Variants in LARGE1 observed in about 807,000 individuals in gnomAD.
LARGE1 encodes the protein LARGE xylosyl- and glucuronyltransferase 1, also known as xylosyl- and glucuronyltransferase LARGE1.
Under a neutral mutation model 87.6 loss-of-function variants are expected in LARGE1, and 43 were observed. The ratio of observed to expected loss-of-function variants is 0.49; its 90% CI spans 0.38 to 0.63. The LOEUF is 0.63. LARGE1 is among the 30% of genes least tolerant of loss of function. LARGE1 has a pLI of 0.00. For missense variants in LARGE1, 802 were observed against 1,000.2 expected, an observed-to-expected ratio of 0.80 and a Z score of 2.67; for synonymous variants, 434 against 394.6, an observed-to-expected ratio of 1.10 and a Z score of -1.18.
chr22:33,474,415 G>A (rs2068985064), intron 6 of LARGE1, among the ~76,000 whole-genome samples: 1 of 152,126 alleles, frequency 6.6e-6, no homozygotes, highest in Non-Finnish European at 1.5e-5. Context: ...CACCTGCCTC[G>A]GCCTCCCAAA....
intron 11 of LARGE1, among the ~76,000 whole-genome samples, chr22:33,240,090 G>C (rs1009274128): frequency 6.6e-6 from 1 of 152,138 alleles, no homozygotes; most frequent in Admixed American, 6.5e-5. Flanking sequence ...ATTCATAATG[G>C]TTGTATAAAT....
At chr22:33,891,137 T>C (rs1166164461) in intron 1 of LARGE1, among the ~76,000 whole-genome samples, 3 of 152,140 alleles carry the variant, frequency 2.0e-5, no homozygotes, top group Non-Finnish European at 4.4e-5. Context: ...TTCAGACCCC[T>C]CATTTGAGAG....
the LARGE1 span, among the ~76,000 whole-genome samples, chr22:33,103,432 CAAAAAAAAAAAAAA>C: frequency 2.4e-4 from 8 of 33,802 alleles, no homozygotes; most frequent in Non-Finnish European, 2.2e-4. Flanking sequence ...GACTCTGTCT[CAAAAAAAAAAAAAA>C]AAAAAAAAAA....
intron 4 of LARGE1, among the ~76,000 whole-genome samples, chr22:33,625,041 T>G (rs893172255): frequency 1.3e-5 from 2 of 152,192 alleles, no homozygotes; most frequent in Non-Finnish European, 2.9e-5. Flanking sequence ...CCATCTTTGT[T>G]TATGCCATTG....
intron 7 of LARGE1, among the ~76,000 whole-genome samples, chr22:33,394,081 C>CAAAA (rs66531142): frequency 1.4e-3 from 157 of 109,968 alleles, no homozygotes; most frequent in African/African-American, 4.0e-3. Context: ...GTGCAACTGC[C>CAAAA]AAAAAAAAAA....
At chr22:33,208,232 G>A (rs1924781491) in intron 11 of LARGE1, among the ~76,000 whole-genome samples, 1 of 152,172 alleles carries the variant, frequency 6.6e-6, no homozygotes, top group South Asian at 2.1e-4. Flanking sequence ...GGAAGGCCAA[G>A]GAAATGAGAT....
intron 9 of LARGE1, among the ~76,000 whole-genome samples, chr22:33,344,675 C>T (rs186539956): frequency 3.3e-5 from 5 of 152,260 alleles, no homozygotes; most frequent in East Asian, 3.9e-4. Context: ...GCTTGTCTGA[C>T]TACTAAGAAA....
rs144162794 is a variant in LARGE1 at position 33,436,127 on chromosome 22, G to A, written c.788-3862C>T. 2.0e-4 allele frequency among the ~76,000 whole-genome samples: 31 copies of A among 152,248 alleles called. No homozygotes were observed. The East Asian group carries it at 4.1e-3, about 20-fold the overall frequency. ...GACTGAACTCAGGCTGCCTGGTTCC[G>A]GTTCCTAGCCCTGCCACCTTCTAGC... On this transcript the variant is annotated intron_variant, in intron 6 of 14. Coordinates refer to ENST00000397394, the MANE Select transcript of LARGE1 (RefSeq NM_133642.5).
intron 10 of LARGE1, among the ~76,000 whole-genome samples, chr22:33,317,142 A>G (rs1936251803): frequency 6.6e-6 from 1 of 152,158 alleles, no homozygotes; most frequent in Non-Finnish European, 1.5e-5. Context: ...TGAACCCAGG[A>G]GGCAGAGGTT....
intron 2 of LARGE1, among the ~76,000 whole-genome samples, chr22:33,701,139 G>A (rs575919386): frequency 6.6e-6 from 1 of 152,244 alleles, no homozygotes; most frequent in South Asian, 2.1e-4. Context: ...GAGTGGTCAC[G>A]GCCTGGAGGG....
chr22:33,813,070 C>T (rs1046488832), intron 1 of LARGE1, among the ~76,000 whole-genome samples: 1 of 152,006 alleles, frequency 6.6e-6, no homozygotes, highest in Non-Finnish European at 1.5e-5. Flanking sequence ...AAGTGCCACT[C>T]TAGGCCGGGC....
intron 11 of LARGE1, among the ~76,000 whole-genome samples, chr22:33,312,498 C>T (rs1200397215): frequency 6.8e-6 from 1 of 146,210 alleles, no homozygotes; most frequent in Non-Finnish European, 1.5e-5. Flanking sequence ...GACAGGGCAA[C>T]AAAGAACCCA....
intron 6 of LARGE1, among the ~76,000 whole-genome samples, chr22:33,548,855 TA>T (rs1379643595): frequency 1.3e-5 from 2 of 152,230 alleles, no homozygotes; most frequent in Non-Finnish European, 2.9e-5. Context: ...TTTTATCTCA[TA>T]AGAATTTGTG....
chr22:33,635,000 C>T (rs2080228252), intron 3 of LARGE1, among the ~76,000 whole-genome samples: 1 of 152,030 alleles, frequency 6.6e-6, no homozygotes, highest in African/African-American at 2.4e-5. Context: ...CACCTGTAAT[C>T]CCAGTTACTC....
chr22:33,626,096 T>A, intron 4 of LARGE1, 148 bp downstream of exon 4: 1 of 711,080 alleles, frequency 1.4e-6, no homozygotes, highest in East Asian at 2.7e-5. Context: ...AACACAATCA[T>A]CTCCTCAGGG....
At chr22:33,898,174 T>C (rs1301003508) in intron 1 of LARGE1, among the ~76,000 whole-genome samples, 1 of 152,170 alleles carries the variant, frequency 6.6e-6, no homozygotes, top group Non-Finnish European at 1.5e-5. Flanking sequence ...AAAGAGCTCC[T>C]GAATGATGCG....
intron 6 of LARGE1, among the ~76,000 whole-genome samples, chr22:33,547,421 T>C (rs2077391260): frequency 6.6e-6 from 1 of 152,166 alleles, no homozygotes; most frequent in Non-Finnish European, 1.5e-5. Context: ...GCTGTAATGC[T>C]TGCTCGCCTG....
chr22:33,089,384 CTT>C, the LARGE1 span, among the ~76,000 whole-genome samples: 1 of 142,722 alleles, frequency 7.0e-6, no homozygotes, highest in South Asian at 2.3e-4. Flanking sequence ...TCTTCTTCTT[CTT>C]CCTCTTCTTC....
At chr22:33,557,410 A>C (rs1456263081) in intron 6 of LARGE1, among the ~76,000 whole-genome samples, 2 of 152,168 alleles carry the variant, frequency 1.3e-5, no homozygotes, top group Non-Finnish European at 2.9e-5. Context: ...GAGGCAGAGA[A>C]AGCAGGAGGG....
Sources: gnomAD v4.1 joint callset for allele counts (sites outside exome capture counted in the v4.1 genomes callset) on GRCh38, gnomAD v4.1.1 for gene constraint, MANE v1.5 for transcripts, NCBI Gene and HGNC (gene_info 2026-07-23, HGNC 2026-07-21) for gene names.